The following HIPK2 variants were observed in gnomAD, a reference collection of about 807,000 sequenced individuals.
The protein encoded by HIPK2 is homeodomain interacting protein kinase 2, also known as homeodomain-interacting protein kinase 2.
A neutral mutation model predicts 113.7 loss-of-function variants in HIPK2; 27 were observed. The ratio of observed to expected loss-of-function variants is 0.24; its 90% CI spans 0.17 to 0.33. The LOEUF is 0.33. Among genes scored for constraint, HIPK2 ranks in the 10% least tolerant of loss-of-function variants. HIPK2 has a pLI of 1.00. For missense variants in HIPK2, 1,257 were observed against 1,588.0 expected (o/e 0.79, Z 3.54); for synonymous variants, 631 against 642.2 (o/e 0.98, Z 0.26).
chr7:139,652,538 G>A (rs566415474), intron 2 of HIPK2, among the ~76,000 whole-genome samples: 1 of 152,328 alleles, frequency 6.6e-6, no homozygotes, highest in Admixed American at 6.5e-5. Flanking sequence ...CAGAAATCAT[G>A]AATGTCAGAT....
Position 139,777,337 on chromosome 7 carries a change from C to T in HIPK2, c.19+268G>A, listed in dbSNP as rs532936252. Reference sequence around the variant, plus strand: ...CACCGGTCCGCCTTCCCCGGCGTCCCTGCCCTCCCCGGGCAGCCGCCCACC... The same window carrying T: ...CACCGGTCCGCCTTCCCCGGCGTCCTTGCCCTCCCCGGGCAGCCGCCCACC... On this transcript the variant is annotated intron_variant, in intron 1 of 14. Transcript: ENST00000406875. 3.1e-3 allele frequency: 495 copies of T among 159,398 alleles called. 2 individuals are homozygous for T. The highest frequency in any genetic ancestry group is 0.011 in the African/African-American group (462 of 41,676). 9.9% of individuals were successfully genotyped at this position (159,398 alleles called of 1,614,324 possible).
chr7:139,762,631 GATATACT>G (rs746169020), intron 1 of HIPK2, among the ~76,000 whole-genome samples: 1 of 152,182 alleles, frequency 6.6e-6, no homozygotes, highest in Non-Finnish European at 1.5e-5. Context: ...AATTTTTGAA[GATATACT>G]ATACACTCTA....
intron 1 of HIPK2, among the ~76,000 whole-genome samples, chr7:139,766,085 C>T (rs28373045): frequency 0.024 from 3,699 of 152,304 alleles, 156 homozygotes; most frequent in African/African-American, 0.085. Context: ...AGAGTCTCTA[C>T]TGTGCAGCTG....
At chr7:139,722,692 T>C (rs1585421746) in intron 1 of HIPK2, among the ~76,000 whole-genome samples, 1 of 151,866 alleles carries the variant, frequency 6.6e-6, no homozygotes, top group East Asian at 1.9e-4. Context: ...CTACTGCCGG[T>C]TGGACGTATG....
chr7:139,742,046 C>T (rs1285809887), intron 1 of HIPK2, among the ~76,000 whole-genome samples: 1 of 152,208 alleles, frequency 6.6e-6, no homozygotes, highest in Admixed American at 6.5e-5. Flanking sequence ...GACCTGAATT[C>T]AAACACATGT....
At chr7:139,582,830 TG>T (rs911147296) in intron 13 of HIPK2, among the ~76,000 whole-genome samples, 4 of 152,220 alleles carry the variant, frequency 2.6e-5, no homozygotes, top group African/African-American at 7.2e-5. Context: ...GGCACTGGGC[TG>T]GAAAAGCCCT....
intron 2 of HIPK2, among the ~76,000 whole-genome samples, chr7:139,662,586 C>T (rs1456670540): frequency 6.6e-6 from 1 of 151,042 alleles, no homozygotes; most frequent in Non-Finnish European, 1.5e-5. Flanking sequence ...CTCCTGTGTA[C>T]GACTGCCAGG....
chr7:139,596,655 A>C, intron 12 of HIPK2, 62 bp downstream of exon 12: 1 of 1,573,014 alleles, frequency 6.4e-7, no homozygotes, highest in Non-Finnish European at 8.7e-7. Flanking sequence ...AGATGGTCAG[A>C]TCTGCACACA....
At chr7:139,592,564 C>T (rs1799063810) in intron 12 of HIPK2, among the ~76,000 whole-genome samples, 2 of 152,182 alleles carry the variant, frequency 1.3e-5, no homozygotes, top group African/African-American at 4.8e-5. Flanking sequence ...TAGTGAGACA[C>T]TGTCTCTAGT....
chr7:139,572,842 C>G lies in HIPK2; in HGVS notation c.*85G>C, dbSNP rs977631210. The stretch of plus-strand genomic sequence containing the variant: ...CTTCAGTATAAAAGGCCAGCGCCCA[C>G]GGTCCCAGGAGCGCCTCCCTCCTTC... On this transcript the variant is annotated 3_prime_UTR_variant, in exon 15 of 15. Coordinates refer to ENST00000406875, the MANE Select transcript of HIPK2 (RefSeq NM_022740.5). The G allele has an allele frequency of 8.2e-7, 1 of 1,212,550 alleles. No individual in the cohort carries two copies. Among genetic ancestry groups the G allele is most frequent in the Non-Finnish European group, 1.1e-6 (1 of 905,714 alleles). 75.1% of individuals were successfully genotyped at this position (1,212,550 alleles called of 1,614,324 possible). A position where few individuals can be genotyped will look rare whatever the true frequency, so the allele number is the denominator to read the frequency against.
chr7:139,768,616 T>C (rs951224176), intron 1 of HIPK2, among the ~76,000 whole-genome samples: 1 of 152,344 alleles, frequency 6.6e-6, no homozygotes. Context: ...CTGAGGGCAC[T>C]GTGGCCTTGC....
At chr7:139,768,442 A>G (rs1339522628) in intron 1 of HIPK2, among the ~76,000 whole-genome samples, 1 of 152,126 alleles carries the variant, frequency 6.6e-6, no homozygotes, top group Non-Finnish European at 1.5e-5. Context: ...ACCTTGGGAA[A>G]TCAGTTTTTT....
rs1407170985 is a variant in HIPK2 at position 139,630,219 on chromosome 7, G to T, written c.1347+946C>A. ...AAGCAAACTATGTTTCTGTTAAAGT[G>T]AAGCCCCTGCCCCCGGAGTTTCAGG... is the stretch of plus-strand genomic sequence containing the variant. On this transcript the variant is annotated intron_variant, in intron 4 of 14. Coordinates refer to ENST00000406875, the MANE Select transcript of HIPK2 (RefSeq NM_022740.5). The surrounding 1 kb of genome is among the most constrained non-coding windows in gnomAD (Gnocchi z 4.0). Among the ~76,000 whole-genome samples the T allele has an allele frequency of 6.6e-6, 1 of 152,104 alleles. No individual in the cohort carries two copies. Among genetic ancestry groups the T allele is most frequent in the Non-Finnish European group, 1.5e-5 (1 of 68,026 alleles).
rs1001306430 is a variant in HIPK2 at position 139,571,695 on chromosome 7, C to A, written c.*1232G>T. 6.6e-6 allele frequency: 1 copy of A among 152,096 alleles called. No individual in the cohort carries two copies. The highest frequency in any genetic ancestry group is 1.5e-5 in the Non-Finnish European group (1 of 68,020). The allele number at this position is 152,096 out of a possible 1,614,324, so 9.4% of individuals were successfully genotyped here. A position where few individuals can be genotyped will look rare whatever the true frequency, so the allele number is the denominator to read the frequency against. ...AAAAAAAGGCCAGCGTAAACTGTTA[C>A]AACAGCACAACAGAAGAGCTGAGAT... On this transcript the variant is annotated 3_prime_UTR_variant, in exon 15 of 15. Transcript: ENST00000406875.
intron 1 of HIPK2, among the ~76,000 whole-genome samples, chr7:139,772,420 A>G (rs1171343399): frequency 6.6e-6 from 1 of 152,256 alleles, no homozygotes; most frequent in Non-Finnish European, 1.5e-5. Context: ...AGGATATAAA[A>G]TTTAAGTAAC....
intron 13 of HIPK2, among the ~76,000 whole-genome samples, chr7:139,576,967 C>A (rs1001461011): frequency 6.6e-6 from 1 of 152,164 alleles, no homozygotes; most frequent in Non-Finnish European, 1.5e-5. Context: ...TGCCTCAGCT[C>A]TCCTCCAGGA....
At chr7:139,740,054 C>A (rs1469535448) in intron 1 of HIPK2, among the ~76,000 whole-genome samples, 1 of 152,148 alleles carries the variant, frequency 6.6e-6, no homozygotes, top group Non-Finnish European at 1.5e-5. Context: ...GGGAGTGGAA[C>A]TGCCAGGTCA....
intron 2 of HIPK2, among the ~76,000 whole-genome samples, chr7:139,651,483 A>G (rs77111783): frequency 0.055 from 8,431 of 152,264 alleles, 285 homozygotes; most frequent in Non-Finnish European, 0.073. Flanking sequence ...CGTGGTCACA[A>G]TGACCTGGGG....
intron 1 of HIPK2, among the ~76,000 whole-genome samples, chr7:139,762,717 T>C (rs1796487144): frequency 6.6e-6 from 1 of 152,220 alleles, no homozygotes; most frequent in South Asian, 2.1e-4. Flanking sequence ...TGTTGTACAA[T>C]CATTCACTGA....
Sources: gnomAD v4.1 joint callset for allele counts (sites outside exome capture counted in the v4.1 genomes callset) on GRCh38, gnomAD v4.1.1 for gene constraint, Gnocchi (gnomAD v3.1) non-coding constraint, MANE v1.5 for transcripts, NCBI Gene and HGNC (gene_info 2026-07-23, HGNC 2026-07-21) for gene names.